MID1: variants seen among roughly 807,000 people sequenced by gnomAD.
MID1 encodes E3 ubiquitin-protein ligase Midline-1.
A neutral mutation model predicts 40.4 loss-of-function variants in MID1; 7 were observed. That is an observed-to-expected ratio of 0.17 (90% CI 0.10 to 0.33). The LOEUF (loss-of-function observed/expected upper bound fraction) is 0.33. MID1 is among the 10% of genes least tolerant of loss of function. MID1 has a pLI of 1.00. For missense variants in MID1, 367 were observed against 558.5 expected (o/e 0.66, Z 3.46); for synonymous variants, 229 against 221.2 (o/e 1.04, Z -0.31).
chrX:10,742,866 T>A (rs2043532869), intron 1 of MID1, among the ~76,000 whole-genome samples: 1 of 112,497 alleles, frequency 8.9e-6, no homozygotes, highest in East Asian at 2.8e-4. Flanking sequence ...ATAAGCCTAC[T>A]GGGGGCATTC....
chrX:10,737,469 G>A lies in MID1; in HGVS notation c.-187+96085C>T, dbSNP rs187082514. Among the ~76,000 whole-genome samples, 499 of 112,660 alleles carry A rather than the reference G, an allele frequency of 4.4e-3. 1 individual carries two copies. Among genetic ancestry groups the A allele is most frequent in the Non-Finnish European group, 6.9e-3 (366 of 53,331 alleles). Reference sequence around the variant, plus strand: ...AACCCCATGCTGAAACATGCCGGCCGCGGCCAATGCCAGAGCCTGGAAGAG... The same window carrying A: ...AACCCCATGCTGAAACATGCCGGCCACGGCCAATGCCAGAGCCTGGAAGAG... On this transcript the variant is annotated intron_variant, in intron 1 of 10. Transcript: ENST00000380785.
rs189885399 is a variant in MID1 at position 10,687,435 on chromosome X, G to C, written c.-186-67016C>G. Among the ~76,000 whole-genome samples the C allele has an allele frequency of 1.9e-3, 213 of 111,892 alleles. 2 individuals are homozygous for C. Among genetic ancestry groups the C allele is most frequent in the African/African-American group, 6.6e-3 (203 of 30,817 alleles). On this transcript the variant is annotated intron_variant, in intron 1 of 10. Coordinates refer to the MID1 transcript ENST00000380785. ...GCCAAATGCCTGGCTTCTTGCACGA[G>C]AAAAATACCCCCATCACCTTCTTTT...
intron 1 of MID1, among the ~76,000 whole-genome samples, chrX:10,607,597 T>A (rs1935648708): frequency 8.9e-6 from 1 of 112,594 alleles, no homozygotes; most frequent in Non-Finnish European, 1.9e-5. Flanking sequence ...TTTACACACA[T>A]CTACATGTAT....
intron 7 of MID1, among the ~76,000 whole-genome samples, chrX:10,467,539 C>T (rs144309222): frequency 2.7e-5 from 3 of 111,967 alleles, no homozygotes; most frequent in Non-Finnish European, 5.6e-5. Flanking sequence ...CAGGTCCTGG[C>T]TATTTCTGCC....
At chrX:10,755,515 C>T (rs2043627153) in intron 1 of MID1, among the ~76,000 whole-genome samples, 1 of 111,734 alleles carries the variant, frequency 8.9e-6, no homozygotes, top group Non-Finnish European at 1.9e-5. Context: ...CAGATTTACC[C>T]CCTACTTCAT....
At chrX:10,556,744 T>C (rs1934137320) in intron 2 of MID1, among the ~76,000 whole-genome samples, 1 of 112,515 alleles carries the variant, frequency 8.9e-6, no homozygotes, top group Non-Finnish European at 1.9e-5. Flanking sequence ...TTAAAGTCCA[T>C]ACCTCATGGG....
At chrX:10,557,856 TCA>T (rs1934181317) in intron 2 of MID1, among the ~76,000 whole-genome samples, 1 of 111,643 alleles carries the variant, frequency 9.0e-6, no homozygotes, top group Admixed American at 9.5e-5. Context: ...ACCTTGAATC[TCA>T]CAATTTTACA....
intron 1 of MID1, among the ~76,000 whole-genome samples, chrX:10,712,496 C>T (rs1381365371): frequency 1.8e-5 from 2 of 110,890 alleles, no homozygotes; most frequent in Non-Finnish European, 3.8e-5. Flanking sequence ...GCTGGCAGGT[C>T]ACCGTGCAAG....
chrX:10,481,884 A>G lies in MID1; in HGVS notation c.1013+596T>C, dbSNP rs184202421. On this transcript the variant is annotated intron_variant, in intron 5 of 9. Coordinates refer to ENST00000317552, the MANE Select transcript of MID1 (RefSeq NM_000381.4). The stretch of plus-strand genomic sequence containing the variant: ...TTACTGCTGAGCCAACCATTCAGAT[A>G]ACATCACATTAAAGCTCCCTACCTG... 5.3e-5 allele frequency among the ~76,000 whole-genome samples: 6 copies of G among 112,431 alleles called. 1 individual carries two copies. The highest frequency in any genetic ancestry group is 4.7e-4 in the Admixed American group (5 of 10,694).
chrX:10,464,097 C>A (rs1277311196), intron 7 of MID1, among the ~76,000 whole-genome samples: 1 of 111,561 alleles, frequency 9.0e-6, no homozygotes, highest in African/African-American at 3.3e-5. Flanking sequence ...GGAGAATGGG[C>A]CTTTCTGGCA....
chrX:10,814,576 GGTGTGTGTGTGTGTGTGT>G lies in MID1; in HGVS notation c.-187+18960_-187+18977del, dbSNP rs60218622. On this transcript the variant is annotated intron_variant, in intron 1 of 10. Coordinates refer to the MID1 transcript ENST00000380785. Reference sequence around the variant, plus strand: ...AGATTTCTTCAGTTTTGCTTGTACTGGTGTGTGTGTGTGTGTGTGTGTGTGCGTGTGTGCATAAGTGTG... The same window carrying G: ...AGATTTCTTCAGTTTTGCTTGTACTGGTGTGTGCGTGTGTGCATAAGTGTG... Among the ~76,000 whole-genome samples the G allele has an allele frequency of 3.8e-3, 391 of 102,002 alleles. 1 individual carries two copies. Among genetic ancestry groups the G allele is most frequent in the Non-Finnish European group, 6.6e-3 (333 of 50,330 alleles). 88.6% of individuals were successfully genotyped at this position (102,002 alleles called of 115,157 possible). A position where few individuals can be genotyped will look rare whatever the true frequency, so the allele number is the denominator to read the frequency against.
At chrX:10,476,664 G>C (rs1200597951) in intron 5 of MID1, among the ~76,000 whole-genome samples, 1 of 111,797 alleles carries the variant, frequency 8.9e-6, no homozygotes, top group Non-Finnish European at 1.9e-5. Flanking sequence ...ATTGAAAGAT[G>C]CAAGTGAAGA....
chrX:10,718,683 C>T (rs1463905501), intron 1 of MID1, among the ~76,000 whole-genome samples: 1 of 111,681 alleles, frequency 9.0e-6, no homozygotes, highest in African/African-American at 3.3e-5. Flanking sequence ...GGGAATCCTC[C>T]CTAACTCATT....
chrX:10,819,042 C>A (rs775402247), intron 1 of MID1, among the ~76,000 whole-genome samples: 1 of 111,800 alleles, frequency 8.9e-6, no homozygotes, highest in African/African-American at 3.2e-5. Context: ...TTTTCTACAC[C>A]TTTCCTTAGC....
At chrX:10,808,954 G>A (rs780497702) in intron 1 of MID1, among the ~76,000 whole-genome samples, 21 of 111,666 alleles carry the variant, frequency 1.9e-4, no homozygotes, top group East Asian at 5.6e-4. Context: ...AAGAGCTTCC[G>A]CACAGCAAAA....
intron 4 of MID1, among the ~76,000 whole-genome samples, chrX:10,495,187 A>G (rs1365327850): frequency 8.9e-6 from 1 of 111,819 alleles, no homozygotes; most frequent in Non-Finnish European, 1.9e-5. Context: ...TCTATAAATA[A>G]AGTCAGATTC....
chrX:10,803,352 CTTTTT>C (rs757624510), intron 1 of MID1, among the ~76,000 whole-genome samples: 1 of 90,692 alleles, frequency 1.1e-5, no homozygotes, highest in African/African-American at 4.0e-5. Context: ...ACTATATTTT[CTTTTT>C]TTTTTTTTTT....
At chrX:10,481,281 G>A (rs1206240132) in intron 5 of MID1, among the ~76,000 whole-genome samples, 1 of 111,532 alleles carries the variant, frequency 9.0e-6, no homozygotes, top group African/African-American at 3.3e-5. Context: ...AGCTCTCTGG[G>A]GTCTTCTAGA....
intron 1 of MID1, among the ~76,000 whole-genome samples, chrX:10,582,496 C>T (rs1569115239): frequency 8.9e-6 from 1 of 112,076 alleles, no homozygotes; most frequent in Non-Finnish European, 1.9e-5. Flanking sequence ...ATCAGATCAT[C>T]ACTGGACTTT....
Sources: allele counts gnomAD v4.1 joint callset (sites outside exome capture counted in the v4.1 genomes callset), GRCh38; gene constraint gnomAD v4.1.1; transcripts MANE v1.5; gene names NCBI Gene and HGNC (gene_info 2026-07-23, HGNC 2026-07-21).